Variants in GSPT1 observed in about 807,000 individuals in gnomAD.
GSPT1 encodes the protein G1 to S phase transition 1.
In GSPT1, 20 loss-of-function variants were observed where a neutral mutation model predicts 72.5. The ratio of observed to expected loss-of-function variants is 0.28; its 90% CI spans 0.19 to 0.40. The LOEUF (loss-of-function observed/expected upper bound fraction) is 0.40. Ranked by LOEUF, GSPT1 falls within the 10% of genes least tolerant of loss-of-function variation. GSPT1 has a pLI of 1.00. For missense variants in GSPT1, 580 were observed against 811.9 expected, an observed-to-expected ratio of 0.71 and a Z score of 3.47; for synonymous variants, 334 against 293.5, an observed-to-expected ratio of 1.14 and a Z score of -1.41.
intron 4 of GSPT1, 107 bp downstream of exon 4, chr16:11,896,451 A>G: frequency 1.4e-6 from 1 of 727,818 alleles, no homozygotes. Context: ...AAATCAAGAC[A>G]TTTTCAATTA....
In GSPT1 at chr16:11,915,934, C is replaced by T. The variant is rs763291550; in HGVS notation, c.-214G>A. On this transcript the variant is annotated 5_prime_UTR_variant, in exon 1 of 15. Coordinates refer to ENST00000434724, the MANE Select transcript of GSPT1 (RefSeq NM_002094.4). ...AGAGGCGGCGGCGGCGGCAGCTCAA[C>T]CCTCCTCCTCGTGTGTGTGAGCGGA... is the stretch of plus-strand genomic sequence containing the variant. 1.3e-6 allele frequency: 1 copy of T among 755,040 alleles called. No individual in the cohort carries two copies. The highest frequency in any genetic ancestry group is 2.4e-6 in the Non-Finnish European group (1 of 417,934). 46.8% of individuals were successfully genotyped at this position (755,040 alleles called of 1,614,324 possible). A position where few individuals can be genotyped will look rare whatever the true frequency, so the allele number is the denominator to read the frequency against.
In GSPT1 at chr16:11,869,730, G is replaced by C. The variant is rs1253055260; in HGVS notation, c.*3389C>G. 1 of 152,212 alleles carries C rather than the reference G, an allele frequency of 6.6e-6. No homozygotes were observed. Among genetic ancestry groups the C allele is most frequent in the African/African-American group, 2.4e-5 (1 of 41,458 alleles). The allele number at this position is 152,212 out of a possible 1,614,324, so 9.4% of individuals were successfully genotyped here. Reference sequence around the variant, plus strand: ...TCCATGCCAGTAAGAAAAGGTGCTAGAGTGCTGTTATGTGTAATAGTCATC... The same window carrying C: ...TCCATGCCAGTAAGAAAAGGTGCTACAGTGCTGTTATGTGTAATAGTCATC... On this transcript the variant is annotated 3_prime_UTR_variant, in exon 15 of 15. Transcript: ENST00000434724.
Position 11,874,454 on chromosome 16 carries a change from CTTTTT to C in GSPT1, c.1862-1288_1862-1284del, listed in dbSNP as rs200991035. On this transcript the variant is annotated intron_variant, in intron 14 of 14. Coordinates refer to ENST00000434724, the MANE Select transcript of GSPT1 (RefSeq NM_002094.4). ...GTGGAAAACCTAAAAGCCAAGTTAG[CTTTTT>C]TTTTTTTTTTTTTTTTTTTTTTTTT... 3.2e-3 allele frequency among the ~76,000 whole-genome samples: 304 copies of C among 95,902 alleles called. 4 individuals carry two copies. Among genetic ancestry groups the C allele is most frequent in the South Asian group, 0.014 (42 of 3,030 alleles). The allele number at this position is 95,902 out of a possible 152,430, so 62.9% of individuals were successfully genotyped here.
intron 1 of GSPT1, among the ~76,000 whole-genome samples, chr16:11,914,804 G>A (rs1230982401): frequency 1.3e-5 from 2 of 152,150 alleles, no homozygotes; most frequent in African/African-American, 4.8e-5. Context: ...GTTTCTGCCC[G>A]ATCACAAGGC....
chr16:11,868,411 G>A lies in GSPT1; in HGVS notation c.*4708C>T, dbSNP rs1302436735. 2.0e-5 allele frequency: 3 copies of A among 147,482 alleles called. No individual in the cohort carries two copies. Among genetic ancestry groups the A allele is most frequent in the East Asian group, 2.0e-4 (1 of 5,096 alleles). 9.1% of individuals were successfully genotyped at this position (147,482 alleles called of 1,614,324 possible). On this transcript the variant is annotated 3_prime_UTR_variant, in exon 15 of 15. Coordinates refer to ENST00000434724, the MANE Select transcript of GSPT1 (RefSeq NM_002094.4). ...TCTAGGTATTAACCTGCTGTCTAGC[G>A]AAAACTAGTCACTAAGTCCTGGCCT...
chr16:11,882,249 AAAC>A (rs2054131362), intron 11 of GSPT1: 1 of 152,246 alleles, frequency 6.6e-6, no homozygotes, highest in African/African-American at 2.4e-5. Context: ...CTCCATCTCA[AAAC>A]AACAACAGCA....
At chr16:11,896,850 T>A in intron 3 of GSPT1, 65 bp from the exon 4 acceptor site, 1 of 1,044,510 alleles carries the variant, frequency 9.6e-7, no homozygotes, top group Non-Finnish European at 1.4e-6. Context: ...TAAAATACAC[T>A]AGCTTTAAAA....
chr16:11,896,875 T>TTGCATATGTAGTTCCA (rs1300287902), intron 3 of GSPT1, 90 bp from the exon 4 acceptor site: 1 of 851,734 alleles, frequency 1.2e-6, no homozygotes, highest in African/African-American at 1.7e-5. Context: ...AAATGGAAGT[T>TTGCATATGTAGTTCCA]TGCATATGTA....
At chr16:11,897,812 G>C in intron 3 of GSPT1, 28 bp downstream of exon 3, 1 of 1,182,830 alleles carries the variant, frequency 8.5e-7, no homozygotes, top group South Asian at 1.3e-5. Context: ...TCATATTACT[G>C]TATTAATATG....
intron 10 of GSPT1, among the ~76,000 whole-genome samples, chr16:11,884,812 A>G (rs1234904895): frequency 1.3e-5 from 2 of 151,062 alleles, no homozygotes; most frequent in African/African-American, 4.9e-5. Flanking sequence ...CACGCCTGTA[A>G]TCCCAGCACC....
intron 10 of GSPT1, among the ~76,000 whole-genome samples, chr16:11,883,746 T>C (rs187665): frequency 1 from 151,977 of 151,978 alleles, 75,988 homozygotes; most frequent in Non-Finnish European, 1. Flanking sequence ...AACCCCGTCT[T>C]TACTAAAAAT....
intron 1 of GSPT1, 122 bp from the exon 2 acceptor site, chr16:11,898,157 G>C: frequency 1.5e-6 from 1 of 654,896 alleles, no homozygotes; most frequent in Non-Finnish European, 2.7e-6. Flanking sequence ...AATAACCCCA[G>C]ATCAATGGCA....
chr16:11,884,755 C>A lies in GSPT1; in HGVS notation c.1347+426G>T, dbSNP rs545499509. On this transcript the variant is annotated intron_variant, in intron 10 of 14. Coordinates refer to ENST00000434724, the MANE Select transcript of GSPT1 (RefSeq NM_002094.4). ...CTCTAGCCTGGGTGACAGAGTGAGA[C>A]TCCGTCTCAAAAAAAAAAAAAAAAA... Among the ~76,000 whole-genome samples, 46 of 100,636 alleles carry A rather than the reference C, an allele frequency of 4.6e-4. 2 individuals are homozygous for A. In the South Asian group the frequency reaches 0.017, roughly 36 times the overall value. The allele number at this position is 100,636 out of a possible 152,430, so 66.0% of individuals were successfully genotyped here.
Position 11,915,514 on chromosome 16 carries a change from G to A in GSPT1, c.207C>T (p.Leu69=). ...GCACGAAGGGCTTGGCGTTGACGTTGAGTTGCCGGCTGAAGGCCGCGCTGA... is the reference window on the plus strand; with the variant it reads ...GCACGAAGGGCTTGGCGTTGACGTTAAGTTGCCGGCTGAAGGCCGCGCTGA... ...ENLSAAFSRQ[L]NVNAKPFVPN... Residue 69 remains leucine (L), a synonymous_variant, in exon 1 of 15, where the codon CTC becomes CTT. Coordinates refer to ENST00000434724, the MANE Select transcript of GSPT1 (RefSeq NM_002094.4). 6.5e-7 allele frequency: 1 copy of A among 1,537,800 alleles called. No individual in the cohort carries two copies. The highest frequency in any genetic ancestry group is 2.7e-5 in the East Asian group (1 of 37,130).
chr16:11,912,202 G>A (rs1225313362), intron 1 of GSPT1, among the ~76,000 whole-genome samples: 1 of 151,746 alleles, frequency 6.6e-6, no homozygotes, highest in East Asian at 1.9e-4. Flanking sequence ...ACACAAAATA[G>A]CTGGGCATGA....
chr16:11,886,920 G>A lies in GSPT1; in HGVS notation c.969C>T (p.Ala323=), dbSNP rs1361217018. Residue 323 remains alanine, a synonymous_variant, in exon 8 of 15, where the codon GCC becomes GCT. Coordinates refer to ENST00000434724, the MANE Select transcript of GSPT1 (RefSeq NM_002094.4). ...QADLAVLVIS[A]RKGEFETGFE... ...ATCCAGTTTCAAACTCTCCTTTCCT[G>A]GCTGAGATTACCTAATTCCAAGAAA... is the stretch of plus-strand genomic sequence containing the variant. 1 of 1,613,216 alleles carries A rather than the reference G, an allele frequency of 6.2e-7. No individual in the cohort carries two copies. The highest frequency in any genetic ancestry group is 1.1e-5 in the South Asian group (1 of 91,014).
Position 11,877,587 on chromosome 16 carries a change from A to C in GSPT1, c.1429-7T>G. 1 of 1,569,918 alleles carries C rather than the reference A, an allele frequency of 6.4e-7. No homozygotes were observed. Among genetic ancestry groups the C allele is most frequent in the South Asian group, 1.2e-5 (1 of 84,814 alleles). On this transcript the variant is annotated splice_region_variant and splice_polypyrimidine_tract_variant and intron_variant, in intron 11 of 14. Transcript: ENST00000434724. This position sits in a 1 kb window ranked among gnomAD's most constrained non-coding sequence, Gnocchi z 4.0. ...CAAGAACTTCCACGTTGTGCTTTAAAAGAAAACAAGACTGGAGGTTTTCTG... is the reference window on the plus strand; with the variant it reads ...CAAGAACTTCCACGTTGTGCTTTAACAGAAAACAAGACTGGAGGTTTTCTG...
chr16:11,889,048 C>T (rs1435637780), intron 6 of GSPT1, among the ~76,000 whole-genome samples: 1 of 152,094 alleles, frequency 6.6e-6, no homozygotes, highest in East Asian at 1.9e-4. Context: ...GTGGCTCACG[C>T]CTGTAATTTC....
In GSPT1 at chr16:11,869,386, T is replaced by C. The variant is rs988014072; in HGVS notation, c.*3733A>G. 2 of 152,234 alleles carry C rather than the reference T, an allele frequency of 1.3e-5. No homozygotes were observed. The highest frequency in any genetic ancestry group is 4.8e-5 in the African/African-American group (2 of 41,460). The allele number at this position is 152,234 out of a possible 1,614,324, so 9.4% of individuals were successfully genotyped here. On this transcript the variant is annotated 3_prime_UTR_variant, in exon 15 of 15. Coordinates refer to ENST00000434724, the MANE Select transcript of GSPT1 (RefSeq NM_002094.4). ...CATCTGCTAGAATCACTGAAAAAGT[T>C]AGCTGCAAGAAATAAAAGCCTATTA...
Sources: gnomAD v4.1 joint callset for allele counts (sites outside exome capture counted in the v4.1 genomes callset) on GRCh38, gnomAD v4.1.1 for gene constraint, Gnocchi (gnomAD v3.1) non-coding constraint, MANE v1.5 for transcripts, NCBI Gene and HGNC (gene_info 2026-07-23, HGNC 2026-07-21) for gene names.